Variants in SERPINB2 observed in about 807,000 individuals in gnomAD.
SERPINB2 encodes serpin family B member 2.
In SERPINB2, 28 loss-of-function variants were observed where a neutral mutation model predicts 39.4. That is an observed-to-expected ratio of 0.71 (90% CI 0.53 to 0.97). The LOEUF is 0.97. Among genes scored for constraint, SERPINB2 ranks in the 50% least tolerant of loss-of-function variants. SERPINB2 has a pLI of 0.00. For missense variants in SERPINB2, 557 were observed against 505.3 expected (o/e 1.10, Z -0.98); for synonymous variants, 209 against 175.1 (o/e 1.19, Z -1.53).
At chr18:63,891,409 T>C (rs927273656) in intron 1 of SERPINB2, 27 bp from the exon 2 acceptor site, 2 of 1,611,810 alleles carry the variant, frequency 1.2e-6, no homozygotes, top group African/African-American at 2.7e-5. Flanking sequence ...TTCAGAGCTG[T>C]TTTTTTCTTC....
chr18:63,901,703 G>T, intron 5 of SERPINB2, 37 bp from the exon 6 acceptor site: 1 of 1,447,322 alleles, frequency 6.9e-7, no homozygotes, highest in Non-Finnish European at 9.1e-7. Context: ...CACAGTTCTT[G>T]ATTATGAAAC....
Position 63,903,375 on chromosome 18 carries a change from TTG to T in SERPINB2, c.*71_*72del. ...TGTGCCTCAGAATTGCTATTTCAAATTGCCAAAAATTTAGAGATGTTTTCTAC... is the reference window on the plus strand; with the variant it reads ...TGTGCCTCAGAATTGCTATTTCAAATCCAAAAATTTAGAGATGTTTTCTAC... On this transcript the variant is annotated 3_prime_UTR_variant, in exon 8 of 8. Transcript: ENST00000299502. 1 of 1,416,362 alleles carries T rather than the reference TTG, an allele frequency of 7.1e-7. No individual in the cohort carries two copies. The highest frequency in any genetic ancestry group is 9.3e-7 in the Non-Finnish European group (1 of 1,074,540). 87.7% of individuals were successfully genotyped at this position (1,416,362 alleles called of 1,614,324 possible). A position where few individuals can be genotyped will look rare whatever the true frequency, so the allele number is the denominator to read the frequency against.
intron 2 of SERPINB2, among the ~76,000 whole-genome samples, chr18:63,894,309 G>A (rs905265538): frequency 1.3e-5 from 2 of 152,136 alleles, no homozygotes; most frequent in Non-Finnish European, 2.9e-5. Context: ...TACTAGGCAG[G>A]ACTTACGATG....
chr18:63,902,454 T>G lies in SERPINB2; in HGVS notation c.729T>G (p.Ile243Met). 1 of 1,613,540 alleles carries G rather than the reference T, an allele frequency of 6.2e-7. No individual in the cohort carries two copies. Among genetic ancestry groups the G allele is most frequent in the Non-Finnish European group, 8.5e-7 (1 of 1,179,638 alleles). ...QMMYLREKLN[I>M]GYIEDLKAQI... ...TGTACTTGCGTGAAAAGCTAAACAT[T>G]GGATACATAGAAGACCTAAAGGCTC... The change falls in exon 7 of 8, where the codon ATT becomes ATG. Residue 243 changes from isoleucine (I) to methionine (M), a missense_variant. By Grantham distance (10) the Ile-to-Met change is conservative. Coordinates refer to ENST00000299502, the MANE Select transcript of SERPINB2 (RefSeq NM_002575.3).
intron 1 of SERPINB2, 48 bp from the exon 2 acceptor site, chr18:63,891,388 T>C: frequency 6.2e-7 from 1 of 1,600,460 alleles, no homozygotes; most frequent in East Asian, 2.2e-5. Flanking sequence ...ACCCAAAATG[T>C]TACCTTATGT....
chr18:63,893,077 C>T lies in SERPINB2; in HGVS notation c.168+1465C>T, dbSNP rs951297407. Among the ~76,000 whole-genome samples the T allele has an allele frequency of 9.2e-5, 14 of 152,144 alleles. No homozygotes were observed. In the East Asian group the frequency reaches 1.2e-3, roughly 13 times the overall value. ...CCTCCCGAGTAGCTGGGATTACAGG[C>T]GCCTGCCACGATGCCCATCTAATTT... On this transcript the variant is annotated intron_variant, in intron 2 of 7. Coordinates refer to ENST00000299502, the MANE Select transcript of SERPINB2 (RefSeq NM_002575.3).
intron 6 of SERPINB2, 63 bp downstream of exon 6, chr18:63,901,945 A>T: frequency 6.8e-7 from 1 of 1,469,698 alleles, no homozygotes; most frequent in Non-Finnish European, 9.2e-7. Flanking sequence ...AGATATAGAC[A>T]GAAAAATTAG....
intron 3 of SERPINB2, 90 bp downstream of exon 3, chr18:63,895,473 G>A (rs1043204995): frequency 2.4e-5 from 35 of 1,471,772 alleles, no homozygotes; most frequent in Middle Eastern, 1.7e-4. Context: ...GGAAGGAAGC[G>A]AATATACCCT....
chr18:63,899,257 G>A (rs1166994410), intron 5 of SERPINB2, among the ~76,000 whole-genome samples: 1 of 151,930 alleles, frequency 6.6e-6, no homozygotes, highest in African/African-American at 2.4e-5. Flanking sequence ...ATTAGTGTTA[G>A]CCATATATGG....
chr18:63,901,798 G>T lies in SERPINB2; in HGVS notation c.594G>T (p.Leu198=), dbSNP rs763447966. 7 of 1,599,458 alleles carry T rather than the reference G, an allele frequency of 4.4e-6. No individual in the cohort carries two copies. Among genetic ancestry groups the T allele is most frequent in the African/African-American group, 1.4e-5 (1 of 73,872 alleles). Residue 198 remains leucine, a synonymous_variant, in exon 6 of 8, where the codon CTG becomes CTT. Transcript: ENST00000299502. ...GSVDGDTRMV[L]VNAVYFKGKW... Reference sequence around the variant, plus strand: ...TAGATGGGGATACCAGGATGGTCCTGGTGAATGCTGTCTACTTCAAAGGAA... The same window carrying T: ...TAGATGGGGATACCAGGATGGTCCTTGTGAATGCTGTCTACTTCAAAGGAA...
chr18:63,901,669 C>T, intron 5 of SERPINB2, 71 bp from the exon 6 acceptor site: 1 of 1,128,896 alleles, frequency 8.9e-7, no homozygotes, highest in Non-Finnish European at 1.2e-6. Flanking sequence ...TTGATGGCTA[C>T]TCAGAAGATT....
At position 63,903,124 on chromosome 18, in the gene SERPINB2, A is replaced by G; in HGVS notation, c.1067A>G (p.His356Arg). ...RNDLFLSEVF[H>R]QAMVDVNEEG... ...GACCTGTTTCTTTCTGAAGTGTTCCACCAAGCCATGGTGGATGTGAATGAG... is the reference window on the plus strand; with the variant it reads ...GACCTGTTTCTTTCTGAAGTGTTCCGCCAAGCCATGGTGGATGTGAATGAG... The change falls in exon 8 of 8, where the codon CAC (histidine) becomes CGC (arginine). Residue 356 changes from histidine (H) to arginine (R), a missense_variant. Coordinates refer to ENST00000299502, the MANE Select transcript of SERPINB2 (RefSeq NM_002575.3). 6 of 1,613,686 alleles carry G rather than the reference A, an allele frequency of 3.7e-6. No individual in the cohort carries two copies. The highest frequency in any genetic ancestry group is 5.1e-6 in the Non-Finnish European group (6 of 1,179,770).
intron 2 of SERPINB2, 84 bp downstream of exon 2, chr18:63,891,696 A>G: frequency 1.5e-6 from 2 of 1,348,742 alleles, no homozygotes; most frequent in Non-Finnish European, 2.0e-6. Context: ...TGCTAAAGAC[A>G]TTTTAACTCA....
chr18:63,902,630 T>A, intron 7 of SERPINB2, 62 bp downstream of exon 7: 4 of 1,311,854 alleles, frequency 3.0e-6, no homozygotes, highest in Non-Finnish European at 1.1e-6. Context: ...ATGAGATGAA[T>A]ATATACTCCT....
rs928109851 is a variant in SERPINB2, at chr18:63,887,708, A to G, written c.-72A>G. On this transcript the variant is annotated 5_prime_UTR_variant, in exon 1 of 8. Coordinates refer to ENST00000299502, the MANE Select transcript of SERPINB2 (RefSeq NM_002575.3). ...CAGTCATTACCATGTCTGAACTGTA[A>G]CAACTCTCAGAGGAGCATTGCCCGT... 2.6e-5 allele frequency: 4 copies of G among 152,222 alleles called. No individual in the cohort carries two copies. Among genetic ancestry groups the G allele is most frequent in the Non-Finnish European group, 5.9e-5 (4 of 68,028 alleles). The allele number at this position is 152,222 out of a possible 1,614,324, so 9.4% of individuals were successfully genotyped here.
At chr18:63,893,526 C>A (rs968387151) in intron 2 of SERPINB2, among the ~76,000 whole-genome samples, 4 of 151,858 alleles carry the variant, frequency 2.6e-5, no homozygotes, top group African/African-American at 9.7e-5. Flanking sequence ...GATTGCTTCC[C>A]AGATAAAAAG....
chr18:63,890,424 T>G (rs560957869), intron 1 of SERPINB2: 1 of 152,252 alleles, frequency 6.6e-6, no homozygotes, highest in South Asian at 2.1e-4. Flanking sequence ...TCAGCATTGT[T>G]TGGTATATTT....
At chr18:63,895,469 A>G in intron 3 of SERPINB2, 86 bp downstream of exon 3, 1 of 1,507,152 alleles carries the variant, frequency 6.6e-7, no homozygotes, top group South Asian at 1.1e-5. Flanking sequence ...ACTGGGAAGG[A>G]AGCGAATATA....
In SERPINB2 at chr18:63,897,128, C is replaced by T. The variant is rs563996931; in HGVS notation, c.326C>T (p.Ser109Phe). ...AADKIHSSFR[S>F]LSSAINASTG... ...GATAAAATCCATTCATCCTTCCGCTCTCTCAGCTCTGCAATCAATGCATCC... is the reference window on the plus strand; with the variant it reads ...GATAAAATCCATTCATCCTTCCGCTTTCTCAGCTCTGCAATCAATGCATCC... Residue 109 changes from serine to phenylalanine, a missense_variant, in exon 4 of 8, where the codon TCT becomes TTT. Coordinates refer to ENST00000299502, the MANE Select transcript of SERPINB2 (RefSeq NM_002575.3). 8.1e-6 allele frequency: 13 copies of T among 1,613,332 alleles called. No individual in the cohort carries two copies. The South Asian group carries it at 1.4e-4, about 18-fold the overall frequency.
Sources: gnomAD v4.1 joint callset for allele counts (sites outside exome capture counted in the v4.1 genomes callset) on GRCh38, gnomAD v4.1.1 for gene constraint, MANE v1.5 for transcripts, NCBI Gene and HGNC (gene_info 2026-07-23, HGNC 2026-07-21) for gene names.